NTM: variants seen among roughly 807,000 people sequenced by gnomAD.
NTM encodes neurotrimin.
Under a neutral mutation model 42.1 loss-of-function variants are expected in NTM, and 13 were observed. That is an observed-to-expected ratio of 0.31 (90% CI 0.20 to 0.49). The LOEUF (loss-of-function observed/expected upper bound fraction) is 0.49. Ranked by LOEUF, NTM falls within the 20% of genes least tolerant of loss-of-function variation. The probability of loss-of-function intolerance (pLI) is 0.99; values close to 1 mark genes in which losing one functional copy is unlikely to be tolerated. For missense variants in NTM, 373 were observed against 452.8 expected, an observed-to-expected ratio of 0.82 and a Z score of 1.60; for synonymous variants, 187 against 179.2, an observed-to-expected ratio of 1.04 and a Z score of -0.35.
chr11:131,843,758 T>C (rs182002251), intron 1 of NTM, among the ~76,000 whole-genome samples: 16 of 152,360 alleles, frequency 1.1e-4, no homozygotes, highest in African/African-American at 3.8e-4. Context: ...TAATTTGTAT[T>C]TTCCTGATTG....
At chr11:131,861,078 A>G (rs1049640266) in intron 1 of NTM, among the ~76,000 whole-genome samples, 2 of 151,950 alleles carry the variant, frequency 1.3e-5, no homozygotes, top group Non-Finnish European at 2.9e-5. Flanking sequence ...TGGCTTTCCC[A>G]TGGGTATCCT....
chr11:131,683,750 G>A (rs1049953863), intron 1 of NTM, among the ~76,000 whole-genome samples: 1 of 152,334 alleles, frequency 6.6e-6, no homozygotes, highest in Admixed American at 6.5e-5. Flanking sequence ...GATGCAGGGC[G>A]ATGCCAAAGA....
At chr11:132,048,321 GATTAT>G (rs2078311461) in intron 2 of NTM, among the ~76,000 whole-genome samples, 1 of 152,136 alleles carries the variant, frequency 6.6e-6, no homozygotes, top group African/African-American at 2.4e-5. Context: ...AGAGAAAACA[GATTAT>G]ATTTTGTAGT....
At chr11:132,191,568 T>G (rs1482330131) in intron 3 of NTM, among the ~76,000 whole-genome samples, 1 of 152,180 alleles carries the variant, frequency 6.6e-6, no homozygotes, top group Non-Finnish European at 1.5e-5. Context: ...AACATCAGCC[T>G]TCACATGAGA....
intron 1 of NTM, among the ~76,000 whole-genome samples, chr11:131,538,921 C>CTTTTTTT (rs58463755): frequency 3.7e-4 from 38 of 102,424 alleles, no homozygotes; most frequent in Non-Finnish European, 5.4e-4. Flanking sequence ...GTTAACTTAG[C>CTTTTTTT]TTTTTTTTTT....
chr11:132,153,412 T>G (rs1463648123), intron 3 of NTM, among the ~76,000 whole-genome samples: 1 of 152,208 alleles, frequency 6.6e-6, no homozygotes, highest in Non-Finnish European at 1.5e-5. Flanking sequence ...GGATGAGGTC[T>G]CTTTATGGTC....
At chr11:131,599,327 G>A (rs113548690) in intron 1 of NTM, among the ~76,000 whole-genome samples, 62 of 150,980 alleles carry the variant, frequency 4.1e-4, no homozygotes, top group African/African-American at 1.5e-3. Context: ...CCCAGTCTCC[G>A]GCAGATGCCC....
chr11:132,322,306 T>C (rs534096637), intron 7 of NTM, among the ~76,000 whole-genome samples: 1 of 151,364 alleles, frequency 6.6e-6, no homozygotes, highest in South Asian at 2.1e-4. Flanking sequence ...GAGACACACA[T>C]AGGCTCAAAA....
chr11:131,660,482 C>T (rs1017338617), intron 1 of NTM: 4 of 457,282 alleles, frequency 8.7e-6, no homozygotes, highest in South Asian at 1.5e-5. Context: ...AGGGAGCTGA[C>T]CTTCCTCCCT....
intron 1 of NTM, among the ~76,000 whole-genome samples, chr11:131,464,008 C>T (rs1017162417): frequency 1.3e-5 from 2 of 152,240 alleles, no homozygotes; most frequent in African/African-American, 4.8e-5. Flanking sequence ...GTTTCTTAAA[C>T]CCTGTTTATG....
chr11:131,648,162 TC>T (rs2134302892), intron 1 of NTM, among the ~76,000 whole-genome samples: 1 of 152,340 alleles, frequency 6.6e-6, no homozygotes, highest in East Asian at 1.9e-4. Flanking sequence ...TCCAGCTCCA[TC>T]CATGTTGCCG....
At chr11:131,510,670 G>A (rs556217783) in intron 1 of NTM, among the ~76,000 whole-genome samples, 71 of 152,256 alleles carry the variant, frequency 4.7e-4, no homozygotes, top group Admixed American at 2.5e-3. Context: ...ACCACTAGAC[G>A]TTTATAAAAG....
At chr11:132,048,593 G>A (rs2135886155) in intron 2 of NTM, among the ~76,000 whole-genome samples, 1 of 152,256 alleles carries the variant, frequency 6.6e-6, no homozygotes, top group East Asian at 1.9e-4. Flanking sequence ...CCTTGTGTGA[G>A]AAAGTAGTGT....
At chr11:131,777,730 C>T (rs947164069) in intron 1 of NTM, among the ~76,000 whole-genome samples, 10 of 152,050 alleles carry the variant, frequency 6.6e-5, no homozygotes, top group Non-Finnish European at 1.2e-4. Flanking sequence ...TATGAAGTTT[C>T]TGGTGACTTT....
At chr11:131,508,051 A>C (rs928481807) in intron 1 of NTM, among the ~76,000 whole-genome samples, 1 of 150,586 alleles carries the variant, frequency 6.6e-6, no homozygotes, top group African/African-American at 2.4e-5. Flanking sequence ...TAATTAAACT[A>C]AAGAGCTTCT....
At chr11:131,931,210 G>A (rs1412454788) in intron 2 of NTM, among the ~76,000 whole-genome samples, 2 of 152,102 alleles carry the variant, frequency 1.3e-5, no homozygotes, top group African/African-American at 4.8e-5. Context: ...CACTTTGGGA[G>A]GCTGAGGTGG....
At chr11:132,300,792 C>G (rs1009279763) in intron 4 of NTM, among the ~76,000 whole-genome samples, 6 of 152,216 alleles carry the variant, frequency 3.9e-5, no homozygotes, top group African/African-American at 1.4e-4. Flanking sequence ...AGAACTGGCT[C>G]TGGTATTTCT....
chr11:132,209,725 A>T (rs1482856673), intron 3 of NTM, among the ~76,000 whole-genome samples: 1 of 152,204 alleles, frequency 6.6e-6, no homozygotes, highest in Non-Finnish European at 1.5e-5. Context: ...GCCTTATTAA[A>T]GGGGTGGTAA....
chr11:132,285,498 A>C (rs535513061), intron 4 of NTM, among the ~76,000 whole-genome samples: 1 of 152,204 alleles, frequency 6.6e-6, no homozygotes, highest in African/African-American at 2.4e-5. Context: ...TCACTGTCAC[A>C]GCCACCCCTC....
Sources: allele counts gnomAD v4.1 joint callset (sites outside exome capture counted in the v4.1 genomes callset), GRCh38; gene constraint gnomAD v4.1.1; transcripts MANE v1.5; gene names NCBI Gene and HGNC (gene_info 2026-07-23, HGNC 2026-07-21).